Variants in JMJD1C observed in about 807,000 individuals in gnomAD.
JMJD1C encodes the protein jumonji domain containing 1C.
Under a neutral mutation model 245.3 loss-of-function variants are expected in JMJD1C, and 31 were observed. The ratio of observed to expected loss-of-function variants is 0.13; its 90% CI spans 0.09 to 0.17. The LOEUF (loss-of-function observed/expected upper bound fraction) is 0.17. JMJD1C is among the 10% of genes least tolerant of loss of function. The pLI, the probability that JMJD1C is intolerant of heterozygous loss-of-function variation, is 1.00. For missense variants in JMJD1C, 2,691 were observed against 3,000.2 expected, an observed-to-expected ratio of 0.90 and a Z score of 2.41; for synonymous variants, 1,057 against 1,017.4, an observed-to-expected ratio of 1.04 and a Z score of -0.74.
intron 1 of JMJD1C, among the ~76,000 whole-genome samples, chr10:63,401,787 G>C (rs1228990919): frequency 2.0e-5 from 3 of 152,038 alleles, no homozygotes; most frequent in Admixed American, 1.3e-4. Flanking sequence ...GGGCGTTCAG[G>C]AGTTGACTAA....
chr10:63,440,768 CCTAACA>C (rs1262287956), intron 1 of JMJD1C, among the ~76,000 whole-genome samples: 9 of 152,146 alleles, frequency 5.9e-5, no homozygotes, highest in South Asian at 2.1e-4. Context: ...CTGAAGTCTC[CCTAACA>C]CTAAGTGTGC....
Position 63,222,836 on chromosome 10 carries a change from G to A in JMJD1C, c.448-2853C>T, listed in dbSNP as rs1366623392. ...TGAGACAGATGCACCTTGGTGTGGA[G>A]TCAAAAGTACACATGCTGGATCAAA... On this transcript the variant is annotated intron_variant, in intron 3 of 25. Coordinates refer to ENST00000399262, the MANE Select transcript of JMJD1C (RefSeq NM_032776.3). 5 of 1,442,082 alleles carry A rather than the reference G, an allele frequency of 3.5e-6. No homozygotes were observed. The East Asian group carries it at 9.1e-5, about 26-fold the overall frequency. 89.3% of individuals were successfully genotyped at this position (1,442,082 alleles called of 1,614,324 possible).
chr10:63,505,268 G>A (rs1023375767), intron 1 of JMJD1C, among the ~76,000 whole-genome samples: 8 of 146,968 alleles, frequency 5.4e-5, no homozygotes, highest in African/African-American at 2.0e-4. Context: ...AGTGAGCCGA[G>A]ATCGCGCCAC....
At chr10:63,354,630 CT>C (rs1348656510) in intron 2 of JMJD1C, among the ~76,000 whole-genome samples, 1 of 151,198 alleles carries the variant, frequency 6.6e-6, no homozygotes, top group Non-Finnish European at 1.5e-5. Context: ...TTTATATTTA[CT>C]TTTTTATTAT....
At chr10:63,245,151 A>C (rs1320106577) in intron 3 of JMJD1C, among the ~76,000 whole-genome samples, 1 of 150,896 alleles carries the variant, frequency 6.6e-6, no homozygotes, top group African/African-American at 2.4e-5. Context: ...AAAAAAAAAA[A>C]AAAAAAGAGA....
At chr10:63,323,776 A>G (rs1468519196) in intron 2 of JMJD1C, among the ~76,000 whole-genome samples, 1 of 152,208 alleles carries the variant, frequency 6.6e-6, no homozygotes, top group Admixed American at 6.5e-5. Flanking sequence ...AAACAGGACC[A>G]ATAGAGTGTG....
At chr10:63,296,601 C>CTGTTCAATCTCAGTTGGAAA (rs1333166554) in intron 2 of JMJD1C, among the ~76,000 whole-genome samples, 1 of 152,144 alleles carries the variant, frequency 6.6e-6, no homozygotes, top group African/African-American at 2.4e-5. Flanking sequence ...AGAACATCAC[C>CTGTTCAATCTCAGTTGGAAA]TGTTCAATCT....
intron 2 of JMJD1C, among the ~76,000 whole-genome samples, chr10:63,315,263 C>G (rs1939821927): frequency 6.6e-6 from 1 of 152,124 alleles, no homozygotes; most frequent in South Asian, 2.1e-4. Context: ...ACCCTTGTCC[C>G]TCTCCTACCT....
intron 1 of JMJD1C, among the ~76,000 whole-genome samples, chr10:63,435,392 A>G (rs1451740901): frequency 4.6e-5 from 7 of 152,228 alleles, no homozygotes; most frequent in African/African-American, 1.4e-4. Context: ...AATAAATCAA[A>G]TAAGTAGAAC....
At chr10:63,432,686 T>C (rs780656737) in intron 1 of JMJD1C, among the ~76,000 whole-genome samples, 2 of 152,216 alleles carry the variant, frequency 1.3e-5, no homozygotes, top group Non-Finnish European at 2.9e-5. Flanking sequence ...CCACTGTTAA[T>C]TGGCATTGAG....
intron 1 of JMJD1C, among the ~76,000 whole-genome samples, chr10:63,395,472 T>G (rs1948424812): frequency 6.6e-6 from 1 of 152,058 alleles, no homozygotes; most frequent in Admixed American, 6.6e-5. Flanking sequence ...AGGGAGACTC[T>G]GTCTCAAAAA....
intron 1 of JMJD1C, among the ~76,000 whole-genome samples, chr10:63,426,990 A>G (rs1482411832): frequency 1.3e-5 from 2 of 152,250 alleles, no homozygotes; most frequent in Non-Finnish European, 2.9e-5. Context: ...CTTAAAAAGC[A>G]CAGATTTAAA....
chr10:63,344,093 A>C (rs1296374452), intron 2 of JMJD1C, among the ~76,000 whole-genome samples: 1 of 152,184 alleles, frequency 6.6e-6, no homozygotes, highest in Non-Finnish European at 1.5e-5. Context: ...CAGCATTTAT[A>C]AAGTCTACGG....
At chr10:63,453,697 A>G (rs1952216806) in intron 1 of JMJD1C, among the ~76,000 whole-genome samples, 1 of 152,158 alleles carries the variant, frequency 6.6e-6, no homozygotes, top group Non-Finnish European at 1.5e-5. Flanking sequence ...ACGGCAAGAG[A>G]CTAGGAAAAA....
chr10:63,507,644 CAAAA>C lies in JMJD1C; in HGVS notation n.113+14090_113+14093del, dbSNP rs34738955. Among the ~76,000 whole-genome samples, 6 of 58,754 alleles carry C rather than the reference CAAAA, an allele frequency of 1.0e-4. 2 individuals carry two copies. Among genetic ancestry groups the C allele is most frequent in the African/African-American group, 3.9e-4 (4 of 10,326 alleles). The allele number at this position is 58,754 out of a possible 152,430, so 38.5% of individuals were successfully genotyped here. On this transcript the variant is annotated intron_variant and non_coding_transcript_variant, in intron 1 of 3. Coordinates refer to the JMJD1C transcript ENST00000633035. Reference sequence around the variant, plus strand: ...TGGGCAACAGAGTAAGACTCTGTCTCAAAAAAAAAAAAAAAAAAACAGTGGCTGT... The same window carrying C: ...TGGGCAACAGAGTAAGACTCTGTCTCAAAAAAAAAAAAAAACAGTGGCTGT...
chr10:63,201,246 T>G (rs1845969756), intron 10 of JMJD1C, among the ~76,000 whole-genome samples: 1 of 152,144 alleles, frequency 6.6e-6, no homozygotes, highest in Non-Finnish European at 1.5e-5. Context: ...CTTAGCTATT[T>G]CTCCTAACAT....
chr10:63,202,087 C>A (rs1419659783), intron 10 of JMJD1C, among the ~76,000 whole-genome samples: 1 of 151,940 alleles, frequency 6.6e-6, no homozygotes, highest in Non-Finnish European at 1.5e-5. Flanking sequence ...AACCCTGTCT[C>A]TACCAAAAAT....
chr10:63,217,914 G>T (rs1247738282), intron 4 of JMJD1C, among the ~76,000 whole-genome samples: 1 of 151,970 alleles, frequency 6.6e-6, no homozygotes, highest in African/African-American at 2.4e-5. Flanking sequence ...GGATATTCTT[G>T]TATAGATATC....
intron 13 of JMJD1C, chr10:63,194,639 C>T (rs1845236013): frequency 6.1e-6 from 2 of 326,128 alleles, no homozygotes; most frequent in East Asian, 1.1e-4. Flanking sequence ...GATAGCCTTT[C>T]TAAAAATTAC....
Sources: allele counts gnomAD v4.1 joint callset (sites outside exome capture counted in the v4.1 genomes callset), GRCh38; gene constraint gnomAD v4.1.1; transcripts MANE v1.5; gene names NCBI Gene and HGNC (gene_info 2026-07-23, HGNC 2026-07-21).